PSD3: variants seen among roughly 807,000 people sequenced by gnomAD.
PSD3 encodes PH and SEC7 domain-containing protein 3.
In PSD3, 49 loss-of-function variants were observed where a neutral mutation model predicts 105.5. The observed-to-expected ratio is 0.46, with a 90% CI of 0.37 to 0.59. PSD3 has a LOEUF of 0.59. Among genes scored for constraint, PSD3 ranks in the 20% least tolerant of loss-of-function variants. PSD3 has a pLI of 0.00. For synonymous variants in PSD3, 557 were observed against 457.8 expected (o/e 1.22, Z -2.77); for missense variants, 1,561 against 1,263.8 (o/e 1.24, Z -3.57).
chr8:19,077,379 A>G (rs1011434771), intron 1 of PSD3, among the ~76,000 whole-genome samples: 1 of 152,224 alleles, frequency 6.6e-6, no homozygotes. Context: ...AAAAGTTAAA[A>G]TGGACTAAAT....
At chr8:19,022,596 A>G (rs1827398849) in intron 1 of PSD3, among the ~76,000 whole-genome samples, 1 of 152,008 alleles carries the variant, frequency 6.6e-6, no homozygotes, top group Non-Finnish European at 1.5e-5. Flanking sequence ...GGAAGAAGCA[A>G]CCTCCATTGG....
chr8:18,754,002 C>T (rs192971949), intron 9 of PSD3, among the ~76,000 whole-genome samples: 3 of 152,332 alleles, frequency 2.0e-5, no homozygotes, highest in East Asian at 3.9e-4. Flanking sequence ...CTTCTTGCTA[C>T]TGCCCCTCTA....
intron 14 of PSD3, among the ~76,000 whole-genome samples, chr8:18,564,108 C>T (rs1410600488): frequency 8.4e-6 from 1 of 119,194 alleles, no homozygotes; most frequent in Non-Finnish European, 1.7e-5. Flanking sequence ...AAGTTTTCTT[C>T]TTCTTTTTTT....
intron 9 of PSD3, among the ~76,000 whole-genome samples, chr8:18,724,092 T>C (rs1395880591): frequency 6.6e-6 from 1 of 152,002 alleles, no homozygotes; most frequent in African/African-American, 2.4e-5. Flanking sequence ...AGAATGAAAA[T>C]ACTAAAAAGA....
chr8:19,062,964 G>C (rs1219517569), intron 1 of PSD3, among the ~76,000 whole-genome samples: 3 of 152,128 alleles, frequency 2.0e-5, no homozygotes, highest in African/African-American at 7.2e-5. Context: ...AAAAGTGAAG[G>C]TGCCGATAGG....
chr8:18,694,470 C>T (rs7006385), intron 9 of PSD3, among the ~76,000 whole-genome samples: 120,647 of 150,682 alleles, frequency 0.8, 50,250 homozygotes, highest in Non-Finnish European at 0.93. Context: ...ATTAGCCGGG[C>T]GTGGTGCTGG....
At chr8:19,061,042 G>A (rs1414436561) in intron 1 of PSD3, among the ~76,000 whole-genome samples, 8 of 152,140 alleles carry the variant, frequency 5.3e-5, no homozygotes, top group Non-Finnish European at 8.8e-5. Flanking sequence ...TTCCTTCACA[G>A]CCTTGGCATG....
chr8:18,788,344 G>C (rs553267047), intron 8 of PSD3, among the ~76,000 whole-genome samples: 2 of 152,176 alleles, frequency 1.3e-5, no homozygotes, highest in Non-Finnish European at 2.9e-5. Context: ...TTCATATCAG[G>C]AGCAGCCAGA....
chr8:18,834,368 G>A (rs528409172), intron 4 of PSD3, among the ~76,000 whole-genome samples: 1 of 152,164 alleles, frequency 6.6e-6, no homozygotes, highest in Admixed American at 6.5e-5. Context: ...AGGGCTTTTG[G>A]GTACCCATAA....
intron 9 of PSD3, among the ~76,000 whole-genome samples, chr8:18,752,717 T>C (rs1805715843): frequency 8.2e-6 from 1 of 121,390 alleles, no homozygotes; most frequent in South Asian, 2.4e-4. Context: ...TATATATATA[T>C]TTTTGTCTAA....
chr8:18,969,833 G>A (rs1430111649), intron 1 of PSD3, among the ~76,000 whole-genome samples: 3 of 151,988 alleles, frequency 2.0e-5, no homozygotes, highest in East Asian at 3.9e-4. Flanking sequence ...TTATGGGTCT[G>A]TAGACACAAC....
At chr8:19,030,132 A>T (rs76600606) in intron 1 of PSD3, among the ~76,000 whole-genome samples, 7,316 of 152,228 alleles carry the variant, frequency 0.048, 533 homozygotes, top group African/African-American at 0.16. Context: ...TGTCGAGTTG[A>T]AGAAGTTCCT....
intron 11 of PSD3, among the ~76,000 whole-genome samples, chr8:18,600,962 A>G (rs983264596): frequency 4.6e-5 from 7 of 152,172 alleles, no homozygotes; most frequent in African/African-American, 1.7e-4. Flanking sequence ...TATTACTCCT[A>G]TTGCAACCTG....
rs1342404785 is a variant in PSD3, at chr8:18,591,148, C to T, written c.2481+9216G>A. Among the ~76,000 whole-genome samples the T allele has an allele frequency of 2.6e-5, 4 of 152,086 alleles. 1 individual carries two copies. In the South Asian group the frequency reaches 8.3e-4, roughly 32 times the overall value. On this transcript the variant is annotated intron_variant, in intron 12 of 15. Coordinates refer to ENST00000327040, the MANE Select transcript of PSD3 (RefSeq NM_015310.4). ...CCCAGGAGAGCACAAAGCCAAGAAA[C>T]CCACGCTGAAACAGGTAAGAAGAGT...
At chr8:18,912,531 C>T (rs1286697735) in intron 2 of PSD3, among the ~76,000 whole-genome samples, 1 of 152,116 alleles carries the variant, frequency 6.6e-6, no homozygotes, top group Non-Finnish European at 1.5e-5. Context: ...ATTTAGATAT[C>T]TTTAATTAGG....
At chr8:18,970,438 G>A (rs1029612952) in intron 1 of PSD3, among the ~76,000 whole-genome samples, 4 of 149,704 alleles carry the variant, frequency 2.7e-5, no homozygotes, top group African/African-American at 9.9e-5. Flanking sequence ...TTTGCAATTC[G>A]ATGAATTCCC....
At chr8:18,638,111 C>T (rs929792684) in intron 10 of PSD3, among the ~76,000 whole-genome samples, 9 of 148,872 alleles carry the variant, frequency 6.0e-5, no homozygotes, top group South Asian at 4.3e-4. Flanking sequence ...GCTAAGATCA[C>T]GCCACTGCAC....
chr8:18,745,350 T>A (rs1335657402), intron 9 of PSD3, among the ~76,000 whole-genome samples: 1 of 152,224 alleles, frequency 6.6e-6, no homozygotes. Flanking sequence ...TAAAAACCTG[T>A]CCCTTCTCCA....
chr8:18,988,288 G>A (rs1223371812), intron 1 of PSD3, among the ~76,000 whole-genome samples: 1 of 151,954 alleles, frequency 6.6e-6, no homozygotes, highest in African/African-American at 2.4e-5. Flanking sequence ...TGTAGTAAAG[G>A]GAATGAAAGG....
Sources: gnomAD v4.1 joint callset for allele counts (sites outside exome capture counted in the v4.1 genomes callset) on GRCh38, gnomAD v4.1.1 for gene constraint, MANE v1.5 for transcripts, NCBI Gene and HGNC (gene_info 2026-07-23, HGNC 2026-07-21) for gene names.